The following SUMO3 variants were observed in gnomAD, a reference collection of about 807,000 sequenced individuals.
The protein encoded by SUMO3 is small ubiquitin-related modifier 3.
In SUMO3, 2 loss-of-function variants were observed where a neutral mutation model predicts 11.1. That is an observed-to-expected ratio of 0.18 (90% CI 0.07 to 0.57). The LOEUF is 0.57. Ranked by LOEUF, SUMO3 falls within the 20% of genes least tolerant of loss-of-function variation. The probability of loss-of-function intolerance (pLI) is 0.92; values close to 1 mark genes in which losing one functional copy is unlikely to be tolerated. For missense variants in SUMO3, 70 were observed against 132.8 expected (o/e 0.53, Z 2.32); for synonymous variants, 56 against 53.5 (o/e 1.05, Z -0.20).
At chr21:44,817,827 G>A (rs1049104687) in intron 1 of SUMO3, 121 bp downstream of exon 1, 1 of 155,418 alleles carries the variant, frequency 6.4e-6, no homozygotes, top group African/African-American at 2.5e-5. Flanking sequence ...GCTCTAGAGG[G>A]CGGGGAGGGG....
chr21:44,813,778 C>A (rs1379940140), intron 2 of SUMO3, 198 bp downstream of exon 2: 1 of 1,482,568 alleles, frequency 6.7e-7, no homozygotes, highest in African/African-American at 1.4e-5. Context: ...GTCCCTCCAC[C>A]TTATAAAAGG....
intron 2 of SUMO3, among the ~76,000 whole-genome samples, chr21:44,812,675 G>C (rs1165187834): frequency 6.6e-6 from 1 of 152,216 alleles, no homozygotes; most frequent in Admixed American, 6.5e-5. Context: ...GGAGGCCCTG[G>C]ACCACGGCTG....
chr21:44,807,085 TGTTA>T lies in SUMO3; in HGVS notation c.223-49_223-46del. 1.2e-6 allele frequency: 2 copies of T among 1,603,548 alleles called. No individual in the cohort carries two copies. The highest frequency in any genetic ancestry group is 1.7e-6 in the Non-Finnish European group (2 of 1,173,562). On this transcript the variant is annotated intron_variant, in intron 3 of 3. Coordinates refer to ENST00000332859, the MANE Select transcript of SUMO3 (RefSeq NM_006936.3). This position sits in a 1 kb window ranked among gnomAD's most constrained non-coding sequence, Gnocchi z 4.3. Reference sequence around the variant, plus strand: ...AGGCACAGCGAGAGAGAGGGGAGCCTGTTAGTTTTCATCAGAGAGTGGGAAGATC... The same window carrying T: ...AGGCACAGCGAGAGAGAGGGGAGCCTGTTTTCATCAGAGAGTGGGAAGATC...
Position 44,811,738 on chromosome 21 carries a change from CA to C in SUMO3, c.150+2237del, listed in dbSNP as rs1401849589. Among the ~76,000 whole-genome samples the C allele has an allele frequency of 6.6e-6, 1 of 151,968 alleles. No individual in the cohort carries two copies. The highest frequency in any genetic ancestry group is 1.5e-5 in the Non-Finnish European group (1 of 68,002). On this transcript the variant is annotated intron_variant, in intron 2 of 3. Transcript: ENST00000332859. This position sits in a 1 kb window ranked among gnomAD's most constrained non-coding sequence, Gnocchi z 5.0. Reference sequence around the variant, plus strand: ...GAAGCCCAAATGCAACAATAAAGCCCAAAGCAAAATGGGAGAAAAATTATCA... The same window carrying C: ...GAAGCCCAAATGCAACAATAAAGCCCAAGCAAAATGGGAGAAAAATTATCA...
rs1323654763 is a variant in SUMO3, at chr21:44,807,039, A to G, written c.224T>C (p.Leu75Pro). ...GATGGTGTCCTCGTCCTCCATCTCC[A>G]GCTGTCATGGTTGTCACAACAGGCA... ...PINETDTPAQ[L>P]EMEDEDTIDV... The change falls in exon 4 of 4, where the codon CTG becomes CCG. Residue 75 changes from leucine to proline, a missense_variant and splice_region_variant. By Grantham distance (98) the Leu-to-Pro change is moderately conservative. Transcript: ENST00000332859. The surrounding 1 kb of genome is among the most constrained non-coding windows in gnomAD (Gnocchi z 4.3). 1 of 1,613,788 alleles carries G rather than the reference A, an allele frequency of 6.2e-7. No individual in the cohort carries two copies. The highest frequency in any genetic ancestry group is 1.1e-5 in the South Asian group (1 of 91,064).
chr21:44,813,916 T>A, intron 2 of SUMO3, 60 bp downstream of exon 2: 3 of 1,601,286 alleles, frequency 1.9e-6, no homozygotes, highest in Middle Eastern at 1.7e-4. Context: ...TGGGGATGCC[T>A]GGAACGCACA....
chr21:44,816,858 TGG>T (rs1288480440), intron 1 of SUMO3, among the ~76,000 whole-genome samples: 4 of 22,240 alleles, frequency 1.8e-4, no homozygotes, highest in Admixed American at 6.2e-4. Context: ...GCGCACACCG[TGG>T]GGCGTGATAG....
chr21:44,813,899 C>G (rs1387856949), intron 2 of SUMO3, 77 bp downstream of exon 2: 1 of 1,598,714 alleles, frequency 6.3e-7, no homozygotes, highest in Non-Finnish European at 8.5e-7. Flanking sequence ...CCGAGACGCT[C>G]GTGCTCTGGG....
chr21:44,813,696 A>T, intron 2 of SUMO3: 1 of 914,014 alleles, frequency 1.1e-6, no homozygotes, highest in Non-Finnish European at 1.6e-6. Flanking sequence ...TTAGTACCCC[A>T]TGGAGAACAC....
intron 2 of SUMO3, among the ~76,000 whole-genome samples, chr21:44,809,569 G>C (rs1207688240): frequency 6.6e-6 from 1 of 152,212 alleles, no homozygotes; most frequent in East Asian, 1.9e-4. Flanking sequence ...GAACACAAGA[G>C]ACGTCCTAGA....
At chr21:44,814,232 C>T in intron 1 of SUMO3, 128 bp from the exon 2 acceptor site, 1 of 1,260,134 alleles carries the variant, frequency 7.9e-7, no homozygotes, top group South Asian at 1.4e-5. Context: ...TAAAATTCTC[C>T]AGCAATTCAG....
At position 44,807,808 on chromosome 21, in the gene SUMO3, C is replaced by T. The variant is rs1335803124; in HGVS notation, c.223-768G>A. ...AGGGCTCCCTCTGCCTCTCGGTCCA[C>T]CTGTCCACAGCCAGCCCCCTGACCC... On this transcript the variant is annotated intron_variant, in intron 3 of 3. Transcript: ENST00000332859. The surrounding 1 kb of genome is among the most constrained non-coding windows in gnomAD (Gnocchi z 4.3). 2.0e-5 allele frequency among the ~76,000 whole-genome samples: 3 copies of T among 152,154 alleles called. No homozygotes were observed. Among genetic ancestry groups the T allele is most frequent in the African/African-American group, 7.2e-5 (3 of 41,432 alleles).
Position 44,811,350 on chromosome 21 carries a change from G to GATCACTTA in SUMO3, c.151-2240_151-2233dup, listed in dbSNP as rs1230023333. Among the ~76,000 whole-genome samples, 1 of 152,156 alleles carries GATCACTTA rather than the reference G, an allele frequency of 6.6e-6. No individual in the cohort carries two copies. Among genetic ancestry groups the GATCACTTA allele is most frequent in the Non-Finnish European group, 1.5e-5 (1 of 68,020 alleles). On this transcript the variant is annotated intron_variant, in intron 2 of 3. Coordinates refer to ENST00000332859, the MANE Select transcript of SUMO3 (RefSeq NM_006936.3). The surrounding 1 kb of genome is among the most constrained non-coding windows in gnomAD (Gnocchi z 5.0). ...GCACTTTGGGAGACCGAGGCAGAAG[G>GATCACTTA]ATCACTTAAGCCCAGGAATTCCAGA...
Position 44,806,785 on chromosome 21 carries a change from C to T in SUMO3, c.*166G>A, listed in dbSNP as rs911520523. On this transcript the variant is annotated 3_prime_UTR_variant, in exon 4 of 4. Coordinates refer to ENST00000332859, the MANE Select transcript of SUMO3 (RefSeq NM_006936.3). ...GGCCCAATTTAAGTTACAGATTCAT[C>T]CCTGCAGATATAGTTTTGAGTTGCA... 7 of 1,413,644 alleles carry T rather than the reference C, an allele frequency of 5.0e-6. No homozygotes were observed. The highest frequency in any genetic ancestry group is 5.6e-6 in the Non-Finnish European group (6 of 1,076,580). 87.6% of individuals were successfully genotyped at this position (1,413,644 alleles called of 1,614,324 possible).
At chr21:44,808,221 A>G (rs2083189061) in intron 3 of SUMO3, 1 of 211,014 alleles carries the variant, frequency 4.7e-6, no homozygotes, top group Non-Finnish European at 9.4e-6. Flanking sequence ...TTAAAAAAAA[A>G]CTCTGTTTCG....
chr21:44,807,059 C>A lies in SUMO3; in HGVS notation c.223-19G>T, dbSNP rs4437050. 1,530 of 1,613,016 alleles carry A rather than the reference C, an allele frequency of 9.5e-4. 18 individuals carry two copies. In the African/African-American group the frequency reaches 0.018, roughly 19 times the overall value. ...TCTCCAGCTGTCATGGTTGTCACAA[C>A]AGGCACAGCGAGAGAGAGGGGAGCC... On this transcript the variant is annotated intron_variant, in intron 3 of 3. Coordinates refer to ENST00000332859, the MANE Select transcript of SUMO3 (RefSeq NM_006936.3). This position sits in a 1 kb window ranked among gnomAD's most constrained non-coding sequence, Gnocchi z 4.3.
Position 44,814,057 on chromosome 21 carries a change from C to T in SUMO3, c.69G>A (p.Gly23=). 1 of 1,613,950 alleles carries T rather than the reference C, an allele frequency of 6.2e-7. No homozygotes were observed. Among genetic ancestry groups the T allele is most frequent in the Non-Finnish European group, 8.5e-7 (1 of 1,180,022 alleles). Residue 23 remains glycine, a synonymous_variant, in exon 2 of 4, where the codon GGG becomes GGA. Transcript: ENST00000332859. ...TGAACTGCACCACGGAGCCGTCCTG[C>T]CCGGCCACCTTCAGGTTGATGTGGT... ...ENDHINLKVA[G]QDGSVVQFKI...
rs1349746163 is a variant in SUMO3, at chr21:44,805,657, G to A, written c.*1294C>T. 1 of 152,558 alleles carries A rather than the reference G, an allele frequency of 6.6e-6. No individual in the cohort carries two copies. Among genetic ancestry groups the A allele is most frequent in the African/African-American group, 2.4e-5 (1 of 41,406 alleles). 9.5% of individuals were successfully genotyped at this position (152,558 alleles called of 1,614,324 possible). On this transcript the variant is annotated 3_prime_UTR_variant, in exon 4 of 4. Transcript: ENST00000332859. Reference sequence around the variant, plus strand: ...TATATTTACTGTTTACAGTAGTAAAGGACAACAAATAATGTACAAATTGGT... The same window carrying A: ...TATATTTACTGTTTACAGTAGTAAAAGACAACAAATAATGTACAAATTGGT...
chr21:44,813,926 A>G, intron 2 of SUMO3, 50 bp downstream of exon 2: 1 of 1,602,974 alleles, frequency 6.2e-7, no homozygotes, highest in South Asian at 1.1e-5. Context: ...TGGAACGCAC[A>G]GGACCAGTGC....
Sources: allele counts gnomAD v4.1 joint callset (sites outside exome capture counted in the v4.1 genomes callset), GRCh38; gene constraint gnomAD v4.1.1; non-coding constraint Gnocchi (gnomAD v3.1); transcripts MANE v1.5; gene names NCBI Gene and HGNC (gene_info 2026-07-23, HGNC 2026-07-21).